Variants in KANTR observed in about 807,000 individuals in gnomAD.
The protein encoded by KANTR is KANTR integral membrane protein, also known as KDM5C adjacent transcript.
rs966050003 is a variant in KANTR, at chrX:53,138,574, G to A, written n.204-3274G>A. Among the ~76,000 whole-genome samples the A allele has an allele frequency of 6.4e-5, 7 of 108,692 alleles. No homozygotes were observed. In the East Asian group the frequency reaches 9.0e-4, roughly 14 times the overall value. The allele number at this position is 108,692 out of a possible 115,157, so 94.4% of individuals were successfully genotyped here. Reference sequence around the variant, plus strand: ...TACAAAATTAGCTGGGTGTGGTGGCGCATGCCTGTAATCCCAGCTCCTCGG... The same window carrying A: ...TACAAAATTAGCTGGGTGTGGTGGCACATGCCTGTAATCCCAGCTCCTCGG... On this transcript the variant is annotated intron_variant and non_coding_transcript_variant, in intron 2 of 2. Coordinates refer to the KANTR transcript ENST00000366185.
chrX:53,122,834 A>G (rs1002044029), intron 2 of KANTR, among the ~76,000 whole-genome samples: 2 of 111,889 alleles, frequency 1.8e-5, no homozygotes, highest in African/African-American at 6.5e-5. Context: ...TTGGTGAACA[A>G]AAGTTTGGAA....
At chrX:53,128,156 T>C (rs1366141382), downstream of KANTR, among the ~76,000 whole-genome samples, 3 of 111,539 alleles carry the variant, frequency 2.7e-5, no homozygotes, top group Admixed American at 2.9e-4. Context: ...TACTCTCCTG[T>C]TTTGGTCACC....
chrX:53,143,607 C>T (rs1414219949), downstream of KANTR: 14 of 665,489 alleles, frequency 2.1e-5, no homozygotes, highest in African/African-American at 1.3e-4. Context: ...CCAACAGCAC[C>T]GGGTGCTTCT....
At chrX:53,096,809 G>T (rs1932848031) in intron 1 of KANTR, among the ~76,000 whole-genome samples, 1 of 106,281 alleles carries the variant, frequency 9.4e-6, no homozygotes, top group Non-Finnish European at 1.9e-5. Flanking sequence ...CTGGGTGACA[G>T]CGAGACCCTG....
chrX:53,141,893 G>T, exon 3 of KANTR: 1 of 488,431 alleles, frequency 2.0e-6, no homozygotes, highest in Non-Finnish European at 2.7e-6. Flanking sequence ...AACAGCCCAC[G>T]GTGTTCTGGC....
downstream of KANTR, among the ~76,000 whole-genome samples, chrX:53,129,268 T>TGTGTGTGTGTGTG (rs1569239787): frequency 7.5e-5 from 8 of 106,425 alleles, no homozygotes; most frequent in Admixed American, 1.0e-4. Flanking sequence ...TGTGTGTGTG[T>TGTGTGTGTGTGTG]TTAGTAGAGA....
At chrX:53,108,141 G>A (rs1169319714) in intron 2 of KANTR, among the ~76,000 whole-genome samples, 2 of 106,388 alleles carry the variant, frequency 1.9e-5, no homozygotes, top group Non-Finnish European at 3.9e-5. Context: ...TGCCCGCCTC[G>A]GCCTCCCAAA....
intron 2 of KANTR, among the ~76,000 whole-genome samples, chrX:53,116,365 G>A (rs1160851468): frequency 8.9e-6 from 1 of 112,323 alleles, no homozygotes; most frequent in Non-Finnish European, 1.9e-5. Flanking sequence ...TCAGCCAGAA[G>A]TGAGTGGCTT....
chrX:53,133,020 T>A (rs1396052710), intron 2 of KANTR, among the ~76,000 whole-genome samples: 2 of 110,698 alleles, frequency 1.8e-5, no homozygotes, highest in Non-Finnish European at 3.8e-5. Context: ...AATGCCTGTG[T>A]CGGGGAGTCG....
intron 2 of KANTR, among the ~76,000 whole-genome samples, chrX:53,110,878 G>A (rs113075438): frequency 0.023 from 2,533 of 107,953 alleles, 92 homozygotes; most frequent in African/African-American, 0.081. Flanking sequence ...AGCCGAGATT[G>A]CGCCACTGCA....
At chrX:53,117,654 C>T (rs1365126620) in intron 2 of KANTR, among the ~76,000 whole-genome samples, 1 of 86,525 alleles carries the variant, frequency 1.2e-5, no homozygotes, top group Non-Finnish European at 2.1e-5. Context: ...TTTCACTTGT[C>T]GCCCAGGCTG....
At chrX:53,118,935 C>A (rs1330206816) in intron 2 of KANTR, among the ~76,000 whole-genome samples, 1 of 109,961 alleles carries the variant, frequency 9.1e-6, no homozygotes, top group Non-Finnish European at 1.9e-5. Context: ...TGTAGGTGTT[C>A]TTTATGTGGA....
chrX:53,133,853 C>T (rs1317624980), intron 2 of KANTR, among the ~76,000 whole-genome samples: 1 of 111,353 alleles, frequency 9.0e-6, no homozygotes, highest in Non-Finnish European at 1.9e-5. Flanking sequence ...CATTTATAAC[C>T]GTACCCTCTG....
intron 2 of KANTR, among the ~76,000 whole-genome samples, chrX:53,108,458 C>T (rs1465216608): frequency 9.0e-6 from 1 of 111,387 alleles, no homozygotes; most frequent in Non-Finnish European, 1.9e-5. Flanking sequence ...CGACCTCAGC[C>T]TCCCAAAGTG....
chrX:53,116,608 G>A, intron 2 of KANTR, among the ~76,000 whole-genome samples: 1 of 111,422 alleles, frequency 9.0e-6, no homozygotes, highest in East Asian at 2.8e-4. Context: ...AGGGAGGATG[G>A]GGATCACCAC....
At chrX:53,116,977 A>G (rs1446718584) in intron 2 of KANTR, among the ~76,000 whole-genome samples, 2 of 111,614 alleles carry the variant, frequency 1.8e-5, no homozygotes, top group Non-Finnish European at 3.8e-5. Context: ...TATAACATAT[A>G]TTAGATATAT....
chrX:53,130,703 G>A (rs1426993710), downstream of KANTR, among the ~76,000 whole-genome samples: 4 of 111,655 alleles, frequency 3.6e-5, no homozygotes, highest in Non-Finnish European at 5.6e-5. Flanking sequence ...TTACTTTTGC[G>A]ACGAGGGGAT....
chrX:53,117,666 A>G (rs1556814874), intron 2 of KANTR, among the ~76,000 whole-genome samples: 1 of 81,564 alleles, frequency 1.2e-5, no homozygotes, highest in Admixed American at 1.8e-4. Context: ...CCCAGGCTGT[A>G]GTGCAGTGCA....
intron 2 of KANTR, among the ~76,000 whole-genome samples, chrX:53,110,570 G>T (rs953974389): frequency 1.8e-5 from 2 of 111,880 alleles, no homozygotes; most frequent in Non-Finnish European, 3.8e-5. Flanking sequence ...ATATTGGCTT[G>T]TAATTTTCTT....
Sources: gnomAD v4.1 joint callset for allele counts (sites outside exome capture counted in the v4.1 genomes callset) on GRCh38, gnomAD v4.1.1 for gene constraint, MANE v1.5 for transcripts, NCBI Gene and HGNC (gene_info 2026-07-23, HGNC 2026-07-21) for gene names.